The following DSCAML1 variants were observed in gnomAD, a reference collection of about 807,000 sequenced individuals.
DSCAML1 encodes cell adhesion molecule DSCAML1.
DSCAML1 carries 38 observed loss-of-function variants against 200.5 expected under a neutral mutation model. The observed-to-expected ratio is 0.19, with a 90% confidence interval of 0.15 to 0.25. The LOEUF (loss-of-function observed/expected upper bound fraction) is 0.25. Among genes scored for constraint, DSCAML1 ranks in the 10% least tolerant of loss-of-function variants. The pLI is 1.00. For missense variants in DSCAML1, 2,223 were observed against 2,858.8 expected, an observed-to-expected ratio of 0.78 and a Z score of 5.07; for synonymous variants, 1,215 against 1,165.0, an observed-to-expected ratio of 1.04 and a Z score of -0.87.
intron 3 of DSCAML1, among the ~76,000 whole-genome samples, chr11:117,697,601 C>T (rs955950207): frequency 2.0e-4 from 30 of 152,222 alleles, no homozygotes; most frequent in African/African-American, 7.2e-4. Context: ...CCCATTCCTT[C>T]CTGCCCCAGC....
intron 5 of DSCAML1, 94 bp from the exon 6 acceptor site, chr11:117,521,499 G>A: frequency 7.2e-7 from 1 of 1,396,054 alleles, no homozygotes. Flanking sequence ...GGGGTAGTTA[G>A]GGGTCACAAA....
chr11:117,712,493 G>A (rs1173467272), intron 3 of DSCAML1, among the ~76,000 whole-genome samples: 1 of 152,076 alleles, frequency 6.6e-6, no homozygotes, highest in Admixed American at 6.5e-5. Context: ...GGTTAGGGCT[G>A]GAAAATTTAT....
At chr11:117,805,116 T>C (rs149869281) in intron 1 of DSCAML1, among the ~76,000 whole-genome samples, 248 of 152,336 alleles carry the variant, frequency 1.6e-3, no homozygotes, top group African/African-American at 4.8e-3. Flanking sequence ...GAACTTCTAC[T>C]GAACTGGCCT....
intron 3 of DSCAML1, among the ~76,000 whole-genome samples, chr11:117,559,957 C>G (rs2050630592): frequency 6.6e-6 from 1 of 152,078 alleles, no homozygotes; most frequent in Non-Finnish European, 1.5e-5. Flanking sequence ...GGGGAAAGTC[C>G]TGCCCCAAAC....
intron 3 of DSCAML1, among the ~76,000 whole-genome samples, chr11:117,625,202 C>A (rs2052018156): frequency 6.6e-6 from 1 of 151,882 alleles, no homozygotes. Flanking sequence ...AGTGAGGAGT[C>A]CAGTTGAGCA....
intron 3 of DSCAML1, among the ~76,000 whole-genome samples, chr11:117,626,712 C>T (rs968792756): frequency 6.6e-6 from 1 of 152,154 alleles, no homozygotes; most frequent in Non-Finnish European, 1.5e-5. Context: ...TTGCAGGCAC[C>T]CACTGTCCCT....
At chr11:117,435,482 C>CTGAACTAAGGAGGTT (rs918758342) in intron 27 of DSCAML1, among the ~76,000 whole-genome samples, 162 bp downstream of exon 27, 1 of 152,238 alleles carries the variant, frequency 6.6e-6, no homozygotes, top group Non-Finnish European at 1.5e-5. Flanking sequence ...ACGAAACCTT[C>CTGAACTAAGGAGGTT]TGAACTAAGG....
chr11:117,461,323 G>C, intron 18 of DSCAML1, 127 bp downstream of exon 18: 1 of 1,368,294 alleles, frequency 7.3e-7, no homozygotes, highest in Admixed American at 2.0e-5. Context: ...CCCGTGTGGA[G>C]AAGAGGGGGC....
chr11:117,694,725 C>T (rs74846545), intron 3 of DSCAML1, among the ~76,000 whole-genome samples: 9,667 of 152,234 alleles, frequency 0.064, 1,010 homozygotes, highest in African/African-American at 0.22. Context: ...GATGAGAACC[C>T]AGGGGAAGGA....
chr11:117,754,917 G>A (rs2054661457), intron 3 of DSCAML1, among the ~76,000 whole-genome samples: 1 of 152,182 alleles, frequency 6.6e-6, no homozygotes, highest in South Asian at 2.1e-4. Context: ...CCCAGCGTGG[G>A]AGGAGCCAGG....
intron 3 of DSCAML1, among the ~76,000 whole-genome samples, chr11:117,706,993 G>A (rs1860135893): frequency 1.3e-5 from 2 of 152,200 alleles, no homozygotes; most frequent in South Asian, 2.1e-4. Flanking sequence ...TCTGTGCCCA[G>A]ACACACAAGC....
intron 1 of DSCAML1, among the ~76,000 whole-genome samples, chr11:117,812,911 G>A (rs868553463): frequency 7.9e-5 from 12 of 151,902 alleles, no homozygotes; most frequent in African/African-American, 2.7e-4. Context: ...TCATGTCTGC[G>A]TGCAGCGGCT....
chr11:117,719,393 G>A (rs573222908), intron 3 of DSCAML1, among the ~76,000 whole-genome samples: 4 of 152,338 alleles, frequency 2.6e-5, no homozygotes, highest in South Asian at 4.1e-4. Flanking sequence ...GCAGTGAGCC[G>A]AGATTGCGCC....
chr11:117,437,099 TC>T lies in DSCAML1; in HGVS notation c.4720+22del, dbSNP rs2047934060. ...CCACCCTGCTCCAGCCTCTGTACCA[TC>T]CCTTCCACCCTTGCGACTCACTGCC... On this transcript the variant is annotated intron_variant, in intron 26 of 32. Coordinates refer to ENST00000651296, the MANE Select transcript of DSCAML1 (RefSeq NM_020693.4). This position sits in a 1 kb window ranked among gnomAD's most constrained non-coding sequence, Gnocchi z 5.3. 1 of 1,603,342 alleles carries T rather than the reference TC, an allele frequency of 6.2e-7. No homozygotes were observed.
chr11:117,787,133 C>T (rs2055370594), intron 1 of DSCAML1, among the ~76,000 whole-genome samples: 1 of 152,242 alleles, frequency 6.6e-6, no homozygotes, highest in South Asian at 2.1e-4. Context: ...TACTCTGTCA[C>T]TTACAAGCAG....
At chr11:117,678,899 G>T (rs117937544) in intron 3 of DSCAML1, among the ~76,000 whole-genome samples, 1 of 152,384 alleles carries the variant, frequency 6.6e-6, no homozygotes, top group East Asian at 1.9e-4. Flanking sequence ...GGATTGTAAA[G>T]AGTTTTCAAT....
intron 3 of DSCAML1, among the ~76,000 whole-genome samples, chr11:117,605,037 G>T (rs921910755): frequency 6.6e-6 from 1 of 152,074 alleles, no homozygotes; most frequent in Admixed American, 6.5e-5. Context: ...TTTCTACCCT[G>T]CCTCTCCCTG....
chr11:117,694,037 G>A (rs2053542011), intron 3 of DSCAML1, among the ~76,000 whole-genome samples: 1 of 141,876 alleles, frequency 7.0e-6, no homozygotes. Flanking sequence ...CCCTCCCTCT[G>A]TCATTTTTAG....
In DSCAML1 at chr11:117,432,260, C is replaced by T. The variant is rs2047815977; in HGVS notation, c.5179+92G>A. 5 of 1,379,594 alleles carry T rather than the reference C, an allele frequency of 3.6e-6. No homozygotes were observed. In the South Asian group the frequency reaches 6.1e-5, roughly 17 times the overall value. The allele number at this position is 1,379,594 out of a possible 1,614,324, so 85.5% of individuals were successfully genotyped here. A position where few individuals can be genotyped will look rare whatever the true frequency, so the allele number is the denominator to read the frequency against. On this transcript the variant is annotated intron_variant, in intron 30 of 32. Coordinates refer to ENST00000651296, the MANE Select transcript of DSCAML1 (RefSeq NM_020693.4). ...GCATTCTATTCCATTAAGCTCCCTCCTCCCTTTAAAAAAAAACACCACCTC... is the reference window on the plus strand; with the variant it reads ...GCATTCTATTCCATTAAGCTCCCTCTTCCCTTTAAAAAAAAACACCACCTC...
Sources: gnomAD v4.1 joint callset for allele counts (sites outside exome capture counted in the v4.1 genomes callset) on GRCh38, gnomAD v4.1.1 for gene constraint, Gnocchi (gnomAD v3.1) non-coding constraint, MANE v1.5 for transcripts, NCBI Gene and HGNC (gene_info 2026-07-23, HGNC 2026-07-21) for gene names.